The following TTC9B variants were observed in gnomAD, a reference collection of about 807,000 sequenced individuals.
TTC9B encodes the protein tetratricopeptide repeat domain 9B.
TTC9B carries 12 observed loss-of-function variants against 19.4 expected under a neutral mutation model. The observed-to-expected ratio is 0.62, with a 90% CI of 0.40 to 1.00. The LOEUF (loss-of-function observed/expected upper bound fraction) is 1.00, where lower values mean the gene tolerates loss of function less well. Ranked by LOEUF, TTC9B falls within the 50% of genes least tolerant of loss-of-function variation. TTC9B has a pLI of 0.00. For missense variants in TTC9B, 316 were observed against 345.2 expected (o/e 0.92, Z 0.67); for synonymous variants, 156 against 158.6 (o/e 0.98, Z 0.12).
At chr19:40,216,866 T>A (rs1973374553) in intron 2 of TTC9B, 1 of 487,660 alleles carries the variant, frequency 2.1e-6, no homozygotes, top group Admixed American at 3.4e-5. Flanking sequence ...GTAATGGAGA[T>A]GACAGTGGGT....
Position 40,218,340 on chromosome 19 carries a change from A to G in TTC9B, c.42T>C (p.Ala14=). 1.5e-6 allele frequency: 2 copies of G among 1,351,374 alleles called. No individual in the cohort carries two copies. The highest frequency in any genetic ancestry group is 1.9e-6 in the Non-Finnish European group (2 of 1,059,602). The allele number at this position is 1,351,374 out of a possible 1,614,324, so 83.7% of individuals were successfully genotyped here. A position where few individuals can be genotyped will look rare whatever the true frequency, so the allele number is the denominator to read the frequency against. The stretch of plus-strand genomic sequence containing the variant: ...GCGGGCGCGGCGGAGGCTCCGGGGC[A>G]GCGCTGAGCATCAGCACCGGGGACA... The part of the protein sequence containing the change: ...GALSPVLMLS[A]APEPPPRPPP... Residue 14 remains alanine (A), a synonymous_variant, in exon 1 of 3, where the codon GCT becomes GCC. Transcript: ENST00000311308. The surrounding 1 kb of genome is among the most constrained non-coding windows in gnomAD (Gnocchi z 4.2).
In TTC9B at chr19:40,216,233, T is replaced by C; in HGVS notation, c.650A>G (p.Lys217Arg). The C allele has an allele frequency of 1.9e-6, 3 of 1,614,212 alleles. No homozygotes were observed. Among genetic ancestry groups the C allele is most frequent in the Admixed American group, 1.7e-5 (1 of 60,028 alleles). Residue 217 changes from lysine to arginine, a missense_variant, in exon 3 of 3, where the codon AAG (lysine) becomes AGG (arginine). Coordinates refer to ENST00000311308, the MANE Select transcript of TTC9B (RefSeq NM_152479.6). ...VLRYIQLTQL[K>R]MNRCSLQRED... Reference sequence around the variant, plus strand: ...CCGCTGGAGGCTGCAACGATTCATCTTCAGCTGAGTCAGCTGGATGTAGCG... The same window carrying C: ...CCGCTGGAGGCTGCAACGATTCATCCTCAGCTGAGTCAGCTGGATGTAGCG...
intron 2 of TTC9B, chr19:40,216,975 G>T (rs1973376075): frequency 1.7e-6 from 1 of 601,916 alleles, no homozygotes; most frequent in Non-Finnish European, 2.9e-6. Context: ...GCGATAGGTG[G>T]ACGGATGTTT....
rs1973362859 is a variant in TTC9B, at chr19:40,216,250, G to C, written c.633C>G (p.Ile211Met). 6.2e-7 allele frequency: 1 copy of C among 1,613,954 alleles called. No individual in the cohort carries two copies. Among genetic ancestry groups the C allele is most frequent in the African/African-American group, 1.3e-5 (1 of 74,926 alleles). The change falls in exon 3 of 3, where the codon ATC (isoleucine) becomes ATG (methionine). Residue 211 changes from isoleucine (I) to methionine (M), a missense_variant. Ile to Met is a conservative substitution (Grantham distance 10). Transcript: ENST00000311308. Reference sequence around the variant, plus strand: ...GATTCATCTTCAGCTGAGTCAGCTGGATGTAGCGGAGCACATTGGTGTCTG... The same window carrying C: ...GATTCATCTTCAGCTGAGTCAGCTGCATGTAGCGGAGCACATTGGTGTCTG... ...EPTDTNVLRY[I>M]QLTQLKMNRC...
chr19:40,216,434 C>A, intron 2 of TTC9B, 162 bp from the exon 3 acceptor site: 1 of 617,210 alleles, frequency 1.6e-6, no homozygotes. Flanking sequence ...AGTCGGCAGT[C>A]CCCAGTCACA....
In TTC9B at chr19:40,216,095, C is replaced by T. The variant is rs1276778074; in HGVS notation, c.*68G>A. Reference sequence around the variant, plus strand: ...GTGACAAGTGTTTTACCAACAAACACATGAGTCGGGGGAAGTTACATGGTG... The same window carrying T: ...GTGACAAGTGTTTTACCAACAAACATATGAGTCGGGGGAAGTTACATGGTG... On this transcript the variant is annotated 3_prime_UTR_variant, in exon 3 of 3. Transcript: ENST00000311308. 11 of 1,281,984 alleles carry T rather than the reference C, an allele frequency of 8.6e-6. No individual in the cohort carries two copies. Among genetic ancestry groups the T allele is most frequent in the Non-Finnish European group, 3.4e-6 (3 of 879,380 alleles). The allele number at this position is 1,281,984 out of a possible 1,614,324, so 79.4% of individuals were successfully genotyped here. A position where few individuals can be genotyped will look rare whatever the true frequency, so the allele number is the denominator to read the frequency against.
rs528194068 is a variant in TTC9B, at chr19:40,218,088, C to T, written c.294G>A (p.Ala98=). 7 of 1,552,120 alleles carry T rather than the reference C, an allele frequency of 4.5e-6. No individual in the cohort carries two copies. The highest frequency in any genetic ancestry group is 6.1e-6 in the Non-Finnish European group (7 of 1,154,864). ...YHRALLQLKA[A]QGARPSGLPA... is the part of the protein sequence containing the mutation. ...GCAGGCCGCTAGGGCGGGCCCCCTGCGCCGCCTTCAGCTGCAGCAGCGCTC... is the reference window on the plus strand; with the variant it reads ...GCAGGCCGCTAGGGCGGGCCCCCTGTGCCGCCTTCAGCTGCAGCAGCGCTC... The change falls in exon 1 of 3, where the codon GCG becomes GCA. Residue 98 remains alanine, a synonymous_variant. Coordinates refer to ENST00000311308, the MANE Select transcript of TTC9B (RefSeq NM_152479.6). This position sits in a 1 kb window ranked among gnomAD's most constrained non-coding sequence, Gnocchi z 4.2.
chr19:40,217,910 G>T lies in TTC9B; in HGVS notation c.427+45C>A, dbSNP rs1431760811. ...CCCAAGTCGCCAAGCTCTCCCGATT[G>T]CCCCCTCCCCTCGTGCCCCATCCCC... On this transcript the variant is annotated intron_variant, in intron 1 of 2. Transcript: ENST00000311308. The T allele has an allele frequency of 9.8e-6, 13 of 1,327,588 alleles. No individual in the cohort carries two copies. In the East Asian group the frequency reaches 1.8e-4, roughly 18 times the overall value. 82.2% of individuals were successfully genotyped at this position (1,327,588 alleles called of 1,614,324 possible).
At chr19:40,217,095 T>C in intron 2 of TTC9B, 92 bp downstream of exon 2, 2 of 1,417,926 alleles carry the variant, frequency 1.4e-6, no homozygotes, top group South Asian at 2.6e-5. Flanking sequence ...GGCTCTGCTA[T>C]TCTGCCCTGA....
Position 40,216,199 on chromosome 19 carries a change from A to G in TTC9B, c.684T>C (p.Ser228=). The part of the protein sequence containing the change: ...MNRCSLQRED[S]GAGSQTRDVI... Reference sequence around the variant, plus strand: ...CATCCCGAGTCTGGGACCCAGCCCCACTGTCTTCCCGCTGGAGGCTGCAAC... The same window carrying G: ...CATCCCGAGTCTGGGACCCAGCCCCGCTGTCTTCCCGCTGGAGGCTGCAAC... The change falls in exon 3 of 3, where the codon AGT becomes AGC. Residue 228 remains serine, a synonymous_variant. Coordinates refer to ENST00000311308, the MANE Select transcript of TTC9B (RefSeq NM_152479.6). The G allele has an allele frequency of 1.9e-6, 3 of 1,614,134 alleles. No homozygotes were observed. Among genetic ancestry groups the G allele is most frequent in the Non-Finnish European group, 2.5e-6 (3 of 1,180,008 alleles).
intron 2 of TTC9B, chr19:40,216,512 G>A: frequency 7.5e-6 from 4 of 530,046 alleles, no homozygotes. Context: ...CCTCTTCGCA[G>A]AGGCTCCCGT....
intron 2 of TTC9B, chr19:40,216,855 G>T: frequency 2.1e-6 from 1 of 478,656 alleles, no homozygotes. Context: ...GGTGGGACGG[G>T]GTAATGGAGA....
At position 40,216,294 on chromosome 19, in the gene TTC9B, C is replaced by T. The variant is rs751123741; in HGVS notation, c.611-22G>A. ...GTGTCTGCAGGGGAGGTGGGCAGGG[C>T]ATCATCTGGGTGTCCCGGGGCAGCA... On this transcript the variant is annotated intron_variant, in intron 2 of 2. Transcript: ENST00000311308. The T allele has an allele frequency of 1.2e-5, 19 of 1,602,424 alleles. No homozygotes were observed. The Admixed American group carries it at 2.8e-4, about 24-fold the overall frequency.
Position 40,216,258 on chromosome 19 carries a change from G to C in TTC9B, c.625C>G (p.Arg209Gly). 1 of 1,614,010 alleles carries C rather than the reference G, an allele frequency of 6.2e-7. No homozygotes were observed. ...SREPTDTNVL[R>G]YIQLTQLKMN... ...TTCAGCTGAGTCAGCTGGATGTAGC[G>C]GAGCACATTGGTGTCTGCAGGGGAG... Residue 209 changes from arginine (R) to glycine (G), a missense_variant, in exon 3 of 3, where the codon CGC becomes GGC. Coordinates refer to ENST00000311308, the MANE Select transcript of TTC9B (RefSeq NM_152479.6).
intron 1 of TTC9B, 96 bp downstream of exon 1, chr19:40,217,859 A>C (rs1319690146): frequency 6.9e-6 from 8 of 1,162,048 alleles, no homozygotes; most frequent in East Asian, 3.1e-5. Flanking sequence ...ACAGCCCTGG[A>C]CCCTTCAGCC....
At chr19:40,217,766 G>A in intron 1 of TTC9B, 189 bp downstream of exon 1, 1 of 567,390 alleles carries the variant, frequency 1.8e-6, no homozygotes, top group Non-Finnish European at 2.9e-6. Context: ...CTGCATCCCA[G>A]CTCCCTCCAG....
At chr19:40,217,489 C>T in intron 1 of TTC9B, 120 bp from the exon 2 acceptor site, 2 of 1,264,658 alleles carry the variant, frequency 1.6e-6, no homozygotes, top group South Asian at 1.6e-5. Flanking sequence ...GCTCCGGCAA[C>T]CAGGGGCGCC....
Position 40,216,464 on chromosome 19 carries a change from CTG to C in TTC9B, c.611-194_611-193del, listed in dbSNP as rs544715657. Reference sequence around the variant, plus strand: ...GTCACAGCGGAGCCATCGCACACCTCTGTGCGCCTGTATTTGCGGCACCCTCT... The same window carrying C: ...GTCACAGCGGAGCCATCGCACACCTCTGCGCCTGTATTTGCGGCACCCTCT... On this transcript the variant is annotated intron_variant, in intron 2 of 2. Coordinates refer to ENST00000311308, the MANE Select transcript of TTC9B (RefSeq NM_152479.6). 393 of 572,742 alleles carry C rather than the reference CTG, an allele frequency of 6.9e-4. 2 individuals carry two copies. Among genetic ancestry groups the C allele is most frequent in the South Asian group, 1.8e-3 (86 of 47,568 alleles). The allele number at this position is 572,742 out of a possible 1,614,324, so 35.5% of individuals were successfully genotyped here.
In TTC9B at chr19:40,217,173, G is replaced by A; in HGVS notation, c.610+14C>T. The A allele has an allele frequency of 1.9e-6, 3 of 1,604,930 alleles. No individual in the cohort carries two copies. The South Asian group carries it at 3.3e-5, about 18-fold the overall frequency. On this transcript the variant is annotated intron_variant, in intron 2 of 2. Coordinates refer to ENST00000311308, the MANE Select transcript of TTC9B (RefSeq NM_152479.6). Reference sequence around the variant, plus strand: ...TGGGCCCAGCCCTCACCTCTGCCCCGCCCCGCCACTCACCTGTGGGTTCCC... The same window carrying A: ...TGGGCCCAGCCCTCACCTCTGCCCCACCCCGCCACTCACCTGTGGGTTCCC...
Sources: gnomAD v4.1 joint callset for allele counts on GRCh38, gnomAD v4.1.1 for gene constraint, Gnocchi (gnomAD v3.1) non-coding constraint, MANE v1.5 for transcripts, NCBI Gene and HGNC (gene_info 2026-07-23, HGNC 2026-07-21) for gene names.